FBN1: variants seen among roughly 807,000 people sequenced by gnomAD.
FBN1 encodes fibrillin-1.
Under a neutral mutation model 365.1 loss-of-function variants are expected in FBN1, and 29 were observed. The ratio of observed to expected loss-of-function variants is 0.08; its 90% CI spans 0.06 to 0.11. FBN1 has a LOEUF of 0.11. Ranked by LOEUF, FBN1 falls within the 10% of genes least tolerant of loss-of-function variation. The pLI is 1.00. For missense variants in FBN1, 2,476 were observed against 3,703.2 expected, an observed-to-expected ratio of 0.67 and a Z score of 8.60; for synonymous variants, 1,210 against 1,270.5, an observed-to-expected ratio of 0.95 and a Z score of 1.01.
At chr15:48,567,211 T>C (rs755375482) in intron 6 of FBN1, among the ~76,000 whole-genome samples, 32 of 152,202 alleles carry the variant, frequency 2.1e-4, no homozygotes, top group Non-Finnish European at 3.1e-4. Context: ...TTAGGAACGT[T>C]TTTATCAATT....
chr15:48,492,946 C>A (rs1597567541), intron 23 of FBN1, among the ~76,000 whole-genome samples: 1 of 152,248 alleles, frequency 6.6e-6, no homozygotes. Context: ...AGTAGAGAAG[C>A]AAAAACCTGG....
intron 2 of FBN1, among the ~76,000 whole-genome samples, chr15:48,628,783 C>T (rs1347360711): frequency 6.6e-6 from 1 of 152,032 alleles, no homozygotes; most frequent in South Asian, 2.1e-4. Flanking sequence ...TTGAATATCC[C>T]CATTCTGCCA....
At chr15:48,484,483 T>C (rs1270329952) in intron 30 of FBN1, among the ~76,000 whole-genome samples, 10 of 152,104 alleles carry the variant, frequency 6.6e-5, no homozygotes, top group African/African-American at 9.7e-5. Flanking sequence ...GCGATTCTCC[T>C]GCCTCAGCCT....
intron 55 of FBN1, among the ~76,000 whole-genome samples, chr15:48,431,161 G>A (rs1243616171): frequency 3.3e-5 from 5 of 152,018 alleles, no homozygotes; most frequent in African/African-American, 7.2e-5. Context: ...GCAGTGGCCC[G>A]ATCTCAGCTC....
chr15:48,549,668 A>T (rs1566924986), intron 6 of FBN1, among the ~76,000 whole-genome samples: 2 of 152,214 alleles, frequency 1.3e-5, no homozygotes, highest in African/African-American at 4.8e-5. Context: ...AATTCTTAAA[A>T]GTGTCCATGG....
intron 60 of FBN1, among the ~76,000 whole-genome samples, chr15:48,423,180 C>T (rs1056016497): frequency 6.6e-6 from 1 of 152,128 alleles, no homozygotes; most frequent in Admixed American, 6.5e-5. Flanking sequence ...TTAAAATTGT[C>T]GCATATTCAG....
rs746511904 is a variant in FBN1, at chr15:48,425,344, G to C, written c.7453+25C>G. 9 of 1,613,870 alleles carry C rather than the reference G, an allele frequency of 5.6e-6. No individual in the cohort carries two copies. In the African/African-American group the frequency reaches 8.0e-5, roughly 14 times the overall value. On this transcript the variant is annotated intron_variant, in intron 60 of 65. Transcript: ENST00000316623. ...CAGCCATGTGTCAGGAGCTAGGTGAGGGGCAATGGTCAATTCTACTTTACC... is the reference window on the plus strand; with the variant it reads ...CAGCCATGTGTCAGGAGCTAGGTGACGGGCAATGGTCAATTCTACTTTACC...
intron 42 of FBN1, among the ~76,000 whole-genome samples, chr15:48,461,817 A>G (rs1178210297): frequency 2.6e-5 from 4 of 152,216 alleles, no homozygotes; most frequent in Non-Finnish European, 5.9e-5. Flanking sequence ...GAGCTCTAAA[A>G]AAGTTTTATT....
At position 48,432,856 on chromosome 15, in the gene FBN1, G is replaced by T. The variant is rs1179540326; in HGVS notation, c.6739+10C>A. 6.2e-7 allele frequency: 1 copy of T among 1,613,174 alleles called. No individual in the cohort carries two copies. Among genetic ancestry groups the T allele is most frequent in the Admixed American group, 1.7e-5 (1 of 59,994 alleles). ...TCCTGGCTTAGATGACCTTGAACAC[G>T]ATGACTCACCTTTGCACATCCTACG... On this transcript the variant is annotated intron_variant, in intron 55 of 65. Transcript: ENST00000316623.
chr15:48,522,082 G>A (rs987870111), intron 9 of FBN1, among the ~76,000 whole-genome samples: 2 of 152,174 alleles, frequency 1.3e-5, no homozygotes, highest in Non-Finnish European at 2.9e-5. Flanking sequence ...CTGCGCATGC[G>A]AGGGTTCTAG....
chr15:48,567,675 G>C (rs1240571315), intron 6 of FBN1, among the ~76,000 whole-genome samples: 1 of 152,102 alleles, frequency 6.6e-6, no homozygotes, highest in East Asian at 1.9e-4. Context: ...ATCAATTAAT[G>C]TAATACACCA....
intron 6 of FBN1, among the ~76,000 whole-genome samples, chr15:48,562,184 C>T (rs2044226808): frequency 6.6e-6 from 1 of 152,148 alleles, no homozygotes; most frequent in Admixed American, 6.6e-5. Context: ...CCTCAGAACC[C>T]TCTACAAAAA....
At chr15:48,456,835 AGTGC>A (rs760513307) in intron 43 of FBN1, 73 bp from the exon 44 acceptor site, 3 of 1,111,796 alleles carry the variant, frequency 2.7e-6, no homozygotes, top group Non-Finnish European at 2.5e-6. Context: ...CAAGATGGAA[AGTGC>A]GTGCGTGTGT....
At chr15:48,519,465 C>T (rs1206782756) in intron 10 of FBN1, among the ~76,000 whole-genome samples, 1 of 152,076 alleles carries the variant, frequency 6.6e-6, no homozygotes, top group African/African-American at 2.4e-5. Flanking sequence ...GATTGATCAA[C>T]CAGTAAAAGA....
chr15:48,487,435 T>C lies in FBN1; in HGVS notation c.3340A>G (p.Ile1114Val), dbSNP rs1006702602. 6.2e-6 allele frequency: 10 copies of C among 1,613,840 alleles called. No homozygotes were observed. Among genetic ancestry groups the C allele is most frequent in the Non-Finnish European group, 2.5e-6 (3 of 1,179,990 alleles). The change falls in exon 28 of 66, where the codon ATT becomes GTT. Residue 1114 changes from isoleucine (I) to valine (V), a missense_variant and splice_region_variant. By Grantham distance (29) the Ile-to-Val change is conservative. This residue lies in a region of FBN1 where 1,780 missense variants were observed against 2,840.8 expected (regional missense o/e 0.63). Transcript: ENST00000316623. ...GFMMMKNCMD[I>V]DECQRDPLLC... ...AGAGGATCTCTCTGACACTCATCAA[T>C]ATCTGCAAAATGGAAATGACCATGT...
intron 42 of FBN1, 36 bp from the exon 43 acceptor site, chr15:48,460,353 G>A: frequency 7.4e-7 from 1 of 1,346,102 alleles, no homozygotes; most frequent in Admixed American, 1.7e-5. Context: ...TGGGAGGATA[G>A]GGGTCAGCAA....
chr15:48,431,388 A>T (rs2043021807), intron 55 of FBN1, among the ~76,000 whole-genome samples: 1 of 152,110 alleles, frequency 6.6e-6, no homozygotes, highest in African/African-American at 2.4e-5. Context: ...GGCATGAGCC[A>T]TCGTGCCTGG....
chr15:48,525,407 C>T (rs1457852630), intron 9 of FBN1, among the ~76,000 whole-genome samples: 1 of 152,082 alleles, frequency 6.6e-6, no homozygotes, highest in African/African-American at 2.4e-5. Flanking sequence ...ATTTTTTAAA[C>T]AATAGAACCC....
chr15:48,519,337 TA>T (rs1446671094), intron 10 of FBN1, among the ~76,000 whole-genome samples: 1 of 152,234 alleles, frequency 6.6e-6, no homozygotes, highest in Admixed American at 6.5e-5. Context: ...AGATGTTGCC[TA>T]ATAAGTTGCT....
Sources: gnomAD v4.1 joint callset for allele counts (sites outside exome capture counted in the v4.1 genomes callset) on GRCh38, gnomAD v4.1.1 for gene constraint, gnomAD v4.1.1 regional missense constraint, MANE v1.5 for transcripts, NCBI Gene and HGNC (gene_info 2026-07-23, HGNC 2026-07-21) for gene names.